Variants in RIMOC1 observed in about 807,000 individuals in gnomAD.
RIMOC1 encodes the protein RAB7A interacting MON1-CCZ1 complex subunit 1.
chr5:41,908,919 T>C, the RIMOC1 span, among the ~76,000 whole-genome samples: 1 of 152,212 alleles, frequency 6.6e-6, no homozygotes, highest in African/African-American at 2.4e-5. Context: ...TTTCGCACGA[T>C]AACATTTACT....
chr5:41,917,380 T>C, the RIMOC1 span: 1 of 1,471,322 alleles, frequency 6.8e-7, no homozygotes, highest in South Asian at 1.5e-5. Flanking sequence ...AGAAGACCTG[T>C]TGATACTGAA....
the RIMOC1 span, chr5:41,912,225 T>C: frequency 8.4e-7 from 1 of 1,185,784 alleles, no homozygotes; most frequent in Non-Finnish European, 1.2e-6. Flanking sequence ...GTTTTAAAGC[T>C]TCTTAAGATT....
At chr5:41,914,371 C>T in the RIMOC1 span, among the ~76,000 whole-genome samples, 1 of 151,876 alleles carries the variant, frequency 6.6e-6, no homozygotes, top group African/African-American at 2.4e-5. Flanking sequence ...AAGAAGTTTG[C>T]GCTTGAACCT....
At chr5:41,910,995 T>G in the RIMOC1 span, 2 of 1,580,524 alleles carry the variant, frequency 1.3e-6, no homozygotes, top group Non-Finnish European at 1.7e-6. Flanking sequence ...AACTTCAACT[T>G]TTATAGACAT....
the RIMOC1 span, chr5:41,920,797 C>CT: frequency 6.6e-6 from 1 of 152,146 alleles, no homozygotes. Context: ...CTACTTAAGA[C>CT]TTTATCATTT....
chr5:41,913,356 T>A, the RIMOC1 span, among the ~76,000 whole-genome samples: 1 of 152,334 alleles, frequency 6.6e-6, no homozygotes, highest in Admixed American at 6.5e-5. Context: ...GGAGAATGAA[T>A]ACTGGTTGGC....
At chr5:41,916,332 T>TGGTGC in the RIMOC1 span, 1 of 792,688 alleles carries the variant, frequency 1.3e-6, no homozygotes, top group Non-Finnish European at 1.5e-6. Context: ...GCCAAATTAA[T>TGGTGC]ATACTTTATG....
the RIMOC1 span, chr5:41,911,932 T>A: frequency 3.1e-6 from 2 of 649,318 alleles, no homozygotes; most frequent in Non-Finnish European, 5.5e-6. Context: ...TTTATACCAT[T>A]GAAATAGAAT....
the RIMOC1 span, chr5:41,917,470 T>G: frequency 7.5e-7 from 1 of 1,336,406 alleles, no homozygotes; most frequent in South Asian, 2.2e-5. Flanking sequence ...TCATTATATA[T>G]TAGTAAACCT....
the RIMOC1 span, chr5:41,907,899 G>A: frequency 1.0e-6 from 1 of 987,556 alleles, no homozygotes; most frequent in Non-Finnish European, 1.5e-6. Flanking sequence ...TTATTTAGAT[G>A]ATTGACTCCA....
the RIMOC1 span, among the ~76,000 whole-genome samples, chr5:41,913,350 A>G: frequency 6.6e-6 from 1 of 152,218 alleles, no homozygotes; most frequent in Non-Finnish European, 1.5e-5. Flanking sequence ...TATTGGGGAG[A>G]ATGAATACTG....
At chr5:41,909,199 T>A in the RIMOC1 span, among the ~76,000 whole-genome samples, 2 of 152,036 alleles carry the variant, frequency 1.3e-5, no homozygotes, top group African/African-American at 4.8e-5. Context: ...GATTGGGGAG[T>A]TTTAATATGC....
chr5:41,918,844 C>T, the RIMOC1 span: 1 of 850,870 alleles, frequency 1.2e-6, no homozygotes, highest in Non-Finnish European at 1.4e-6. Context: ...CTCATTTTCC[C>T]ATTTTAGAGG....
the RIMOC1 span, chr5:41,910,958 T>A: frequency 6.8e-7 from 1 of 1,463,288 alleles, no homozygotes; most frequent in Non-Finnish European, 9.3e-7. Flanking sequence ...CTTGAGAATG[T>A]TTTTAATCGA....
At chr5:41,905,042 G>C in the RIMOC1 span, among the ~76,000 whole-genome samples, 2 of 152,302 alleles carry the variant, frequency 1.3e-5, no homozygotes, top group African/African-American at 4.8e-5. Context: ...TAAGCTGTTA[G>C]GAAAAACTGG....
the RIMOC1 span, chr5:41,917,385 A>C: frequency 1.5e-5 from 22 of 1,464,168 alleles, no homozygotes; most frequent in Non-Finnish European, 1.9e-5. Context: ...ACCTGTTGAT[A>C]CTGAATATGA....
At chr5:41,912,101 G>C in the RIMOC1 span, 1 of 1,611,306 alleles carries the variant, frequency 6.2e-7, no homozygotes, top group East Asian at 2.2e-5. Flanking sequence ...ACTTGCTACA[G>C]ATGCTAAATT....
At chr5:41,909,986 C>CT in the RIMOC1 span, 1 of 1,013,644 alleles carries the variant, frequency 9.9e-7, no homozygotes, top group African/African-American at 1.7e-5. Context: ...TTGATTGTAT[C>CT]TTTGTTTCTT....
the RIMOC1 span, chr5:41,917,186 G>GA: frequency 2.5e-6 from 4 of 1,613,668 alleles, no homozygotes; most frequent in Admixed American, 1.7e-5. Flanking sequence ...AGAAGTAGGA[G>GA]AAAAAATCTT....
Sources: allele counts gnomAD v4.1 joint callset (sites outside exome capture counted in the v4.1 genomes callset), GRCh38; gene constraint gnomAD v4.1.1; transcripts MANE v1.5; gene names NCBI Gene and HGNC (gene_info 2026-07-23, HGNC 2026-07-21).